The following LIPE variants were observed in gnomAD, a reference collection of about 807,000 sequenced individuals.
LIPE encodes lipase E, hormone sensitive type, also known as hormone-sensitive lipase.
Under a neutral mutation model 88.5 loss-of-function variants are expected in LIPE, and 66 were observed. The observed-to-expected ratio is 0.75, with a 90% CI of 0.61 to 0.91. The LOEUF is 0.91. Ranked by LOEUF, LIPE falls within the 40% of genes least tolerant of loss-of-function variation. The pLI is 0.00. For synonymous variants in LIPE, 570 were observed against 617.5 expected, an observed-to-expected ratio of 0.92 and a Z score of 1.14; for missense variants, 1,346 against 1,434.7, an observed-to-expected ratio of 0.94 and a Z score of 1.00.
In LIPE at chr19:42,407,657, G is replaced by A; in HGVS notation, c.1791C>T (p.Gly597=). The A allele has an allele frequency of 6.2e-7, 1 of 1,610,176 alleles. No individual in the cohort carries two copies. Among genetic ancestry groups the A allele is most frequent in the Non-Finnish European group, 8.5e-7 (1 of 1,178,126 alleles). ...VTISPPLAHT[G]PGPVLVRLIS... is the part of the protein sequence containing the mutation. ...TGAGCCTGACGAGGACGGGCCCAGGGCCTGTGTGGGCCAGTGGGGGTGAGA... is the reference window on the plus strand; with the variant it reads ...TGAGCCTGACGAGGACGGGCCCAGGACCTGTGTGGGCCAGTGGGGGTGAGA... The change falls in exon 5 of 10, where the codon GGC becomes GGT. Residue 597 remains glycine (G), a synonymous_variant. Coordinates refer to ENST00000244289, the MANE Select transcript of LIPE (RefSeq NM_005357.4). The surrounding 1 kb of genome is among the most constrained non-coding windows in gnomAD (Gnocchi z 5.8).
rs530744411 is a variant in LIPE at position 42,401,795 on chromosome 19, A to G, written c.*17T>C. Reference sequence around the variant, plus strand: ...GCATTCATGACGGAGGCCGGCGCAGATGGGAACAACAGGCTTTTAGTGTCG... The same window carrying G: ...GCATTCATGACGGAGGCCGGCGCAGGTGGGAACAACAGGCTTTTAGTGTCG... On this transcript the variant is annotated 3_prime_UTR_variant, in exon 10 of 10. Transcript: ENST00000244289. The G allele has an allele frequency of 4.9e-6, 7 of 1,441,890 alleles. No homozygotes were observed. The South Asian group carries it at 8.4e-5, about 17-fold the overall frequency. 89.3% of individuals were successfully genotyped at this position (1,441,890 alleles called of 1,614,324 possible).
chr19:42,402,520 C>A, intron 9 of LIPE, 87 bp downstream of exon 9: 1 of 1,245,426 alleles, frequency 8.0e-7, no homozygotes, highest in Non-Finnish European at 1.1e-6. Flanking sequence ...GCTCTTTTTC[C>A]CAGGTGTACC....
chr19:42,407,937 C>T lies in LIPE; in HGVS notation c.1656+39G>A. 4 of 1,599,656 alleles carry T rather than the reference C, an allele frequency of 2.5e-6. No homozygotes were observed. Among genetic ancestry groups the T allele is most frequent in the Non-Finnish European group, 3.4e-6 (4 of 1,174,622 alleles). On this transcript the variant is annotated intron_variant, in intron 4 of 9. Transcript: ENST00000244289. The surrounding 1 kb of genome is among the most constrained non-coding windows in gnomAD (Gnocchi z 5.8). ...AGACCTACTGTGGCCTCAGATGAGT[C>T]TCTGGGCCTCAGTGTCCCCATCTGC... is the stretch of plus-strand genomic sequence containing the variant.
At chr19:42,417,069 C>T (rs1338601910) in intron 1 of LIPE, among the ~76,000 whole-genome samples, 2 of 152,024 alleles carry the variant, frequency 1.3e-5, no homozygotes, top group African/African-American at 4.8e-5. Flanking sequence ...GACAGGCGCC[C>T]GCCACCACAC....
At chr19:42,409,400 C>CAAAAAAAAA (rs760628566) in intron 2 of LIPE, among the ~76,000 whole-genome samples, 92 of 72,832 alleles carry the variant, frequency 1.3e-3, no homozygotes, top group African/African-American at 2.4e-3. Flanking sequence ...AAACAAAATA[C>CAAAAAAAAA]AAAAAAAAAA....
At chr19:42,423,379 G>A in intron 1 of LIPE, 1 of 1,277,386 alleles carries the variant, frequency 7.8e-7, no homozygotes, top group South Asian at 1.2e-5. Context: ...TAGGATGTAC[G>A]AGGTTCCTTC....
chr19:42,401,714 G>GCCC lies in LIPE; in HGVS notation c.*97_*98insGGG. ...TTTCGGGCCCCCGCCCCGCCCCCTTGCCACCCCCGACTTAAGTAAGGCACA... is the reference window on the plus strand; with the variant it reads ...TTTCGGGCCCCCGCCCCGCCCCCTTGCCCCCACCCCCGACTTAAGTAAGGCACA... On this transcript the variant is annotated 3_prime_UTR_variant, in exon 10 of 10. Coordinates refer to ENST00000244289, the MANE Select transcript of LIPE (RefSeq NM_005357.4). 1 of 143,856 alleles carries GCCC rather than the reference G, an allele frequency of 7.0e-6. No homozygotes were observed. The allele number at this position is 143,856 out of a possible 1,614,324, so 8.9% of individuals were successfully genotyped here. A position where few individuals can be genotyped will look rare whatever the true frequency, so the allele number is the denominator to read the frequency against.
chr19:42,403,040 G>A lies in LIPE; in HGVS notation c.2543-9C>T, dbSNP rs765119791. Reference sequence around the variant, plus strand: ...ACTGCGGCGCATCGGCTCTGAGAGAGGGAGAGCAGATAGGCCTGGCTCCGT... The same window carrying A: ...ACTGCGGCGCATCGGCTCTGAGAGAAGGAGAGCAGATAGGCCTGGCTCCGT... On this transcript the variant is annotated splice_polypyrimidine_tract_variant and intron_variant, in intron 8 of 9. Transcript: ENST00000244289. 1.3e-6 allele frequency: 2 copies of A among 1,537,028 alleles called. No individual in the cohort carries two copies. Among genetic ancestry groups the A allele is most frequent in the African/African-American group, 1.4e-5 (1 of 72,976 alleles).
Position 42,406,102 on chromosome 19 carries a change from C to G in LIPE, c.2365+59G>C. 6.9e-7 allele frequency: 1 copy of G among 1,455,584 alleles called. No individual in the cohort carries two copies. The highest frequency in any genetic ancestry group is 9.5e-7 in the Non-Finnish European group (1 of 1,056,238). 90.2% of individuals were successfully genotyped at this position (1,455,584 alleles called of 1,614,324 possible). A position where few individuals can be genotyped will look rare whatever the true frequency, so the allele number is the denominator to read the frequency against. On this transcript the variant is annotated intron_variant, in intron 7 of 9. Transcript: ENST00000244289. This position sits in a 1 kb window ranked among gnomAD's most constrained non-coding sequence, Gnocchi z 5.7. ...ACAGGAGTCCTGGTCCCCAGCCCGT[C>G]CCTGCAGGAGTCAGACATCCATGCA...
Position 42,407,618 on chromosome 19 carries a change from C to T in LIPE, c.1830G>A (p.Leu610=), listed in dbSNP as rs138942820. The change falls in exon 5 of 10, where the codon CTG becomes CTA. Residue 610 remains leucine (L), a synonymous_variant. Coordinates refer to ENST00000244289, the MANE Select transcript of LIPE (RefSeq NM_005357.4). The surrounding 1 kb of genome is among the most constrained non-coding windows in gnomAD (Gnocchi z 5.8). The stretch of plus-strand genomic sequence containing the variant: ...GCTGGAACCCTACCTGTCCTTCACG[C>T]AGGTCATAGGAGATGAGCCTGACGA... ...PVLVRLISYD[L]REGQDSEELS... is the part of the protein sequence containing the mutation. The T allele has an allele frequency of 1.1e-5, 18 of 1,608,460 alleles. No individual in the cohort carries two copies. In the African/African-American group the frequency reaches 2.3e-4, roughly 20 times the overall value.
At position 42,410,047 on chromosome 19, in the gene LIPE, TAG is replaced by T. The variant is rs1434835944; in HGVS notation, c.1419+258_1419+259del. Among the ~76,000 whole-genome samples the T allele has an allele frequency of 6.6e-6, 1 of 152,042 alleles. No homozygotes were observed. The highest frequency in any genetic ancestry group is 1.5e-5 in the Non-Finnish European group (1 of 68,006). ...AATACATCTCTTGCATGTAGGACAA[TAG>T]AGAGTAGTGGATATCCTGGTGAAAA... On this transcript the variant is annotated intron_variant, in intron 2 of 9. Transcript: ENST00000244289. This position sits in a 1 kb window ranked among gnomAD's most constrained non-coding sequence, Gnocchi z 6.1.
At chr19:42,424,889 A>C (rs2040679954) in intron 1 of LIPE, 2 of 345,308 alleles carry the variant, frequency 5.8e-6, no homozygotes, top group African/African-American at 4.3e-5. Flanking sequence ...CCCCGGGAAG[A>C]GGCGGAGAAG....
At chr19:42,421,158 C>G (rs941806486) in intron 1 of LIPE, among the ~76,000 whole-genome samples, 1 of 152,184 alleles carries the variant, frequency 6.6e-6, no homozygotes, top group Non-Finnish European at 1.5e-5. Context: ...CTTGGCCTCC[C>G]AAAGTGCCAG....
chr19:42,414,875 G>C lies in LIPE; in HGVS notation c.884-4033C>G, dbSNP rs2040456791. Among the ~76,000 whole-genome samples the C allele has an allele frequency of 6.6e-6, 1 of 152,176 alleles. No individual in the cohort carries two copies. Among genetic ancestry groups the C allele is most frequent in the African/African-American group, 2.4e-5 (1 of 41,430 alleles). ...TACCGATTAATGCTGTGTGTGTTCT[G>C]ACTGCTCCACTGACCAGCCATTTCC... On this transcript the variant is annotated intron_variant, in intron 1 of 9. Coordinates refer to ENST00000244289, the MANE Select transcript of LIPE (RefSeq NM_005357.4). This position sits in a 1 kb window ranked among gnomAD's most constrained non-coding sequence, Gnocchi z 4.6.
In LIPE at chr19:42,401,820, G is replaced by A; in HGVS notation, c.3223C>T (p.Arg1075Ter). Reference sequence around the variant, plus strand: ...ATGGGAACAACAGGCTTTTAGTGTCGCCCCCCGCAGCCCCCGTCTACCCCC... The same window carrying A: ...ATGGGAACAACAGGCTTTTAGTGTCACCCCCCGCAGCCCCCGTCTACCCCC... ...AAGVDGGCGG[R>*]H The change falls in exon 10 of 10, where the codon CGA (arginine) becomes TGA (stop). Residue 1075 changes from arginine (R) to a stop codon, truncating the protein, a stop_gained. Transcript: ENST00000244289. LOFTEE classifies it high-confidence loss of function. 2 of 1,479,340 alleles carry A rather than the reference G, an allele frequency of 1.4e-6. No individual in the cohort carries two copies. The allele number at this position is 1,479,340 out of a possible 1,614,324, so 91.6% of individuals were successfully genotyped here.
chr19:42,419,672 T>A, intron 1 of LIPE, among the ~76,000 whole-genome samples: 1 of 62,188 alleles, frequency 1.6e-5, no homozygotes, highest in African/African-American at 6.6e-5. Context: ...TGAGCAGGGG[T>A]AAGGAGGGCG....
At chr19:42,426,195 A>G in intron 1 of LIPE, 72 bp downstream of exon 1, 1 of 1,475,256 alleles carries the variant, frequency 6.8e-7, no homozygotes, top group Non-Finnish European at 9.1e-7. Context: ...ATACACCGTA[A>G]GTTTTTAGTA....
chr19:42,402,439 GTCC>G (rs2040011095), intron 9 of LIPE, among the ~76,000 whole-genome samples, 165 bp downstream of exon 9: 1 of 151,986 alleles, frequency 6.6e-6, no homozygotes, highest in African/African-American at 2.4e-5. Flanking sequence ...CCTGACTCTT[GTCC>G]TCCTCCCGTT....
rs756437778 is a variant in LIPE, at chr19:42,427,034, G to A, written c.116C>T (p.Ser39Leu). The A allele has an allele frequency of 1.6e-5, 26 of 1,613,882 alleles. No individual in the cohort carries two copies. The highest frequency in any genetic ancestry group is 4.5e-5 in the East Asian group (2 of 44,882). Residue 39 changes from serine to leucine, a missense_variant, in exon 1 of 10, where the codon TCG becomes TTG. Physicochemically the swap from Ser to Leu is moderately radical, Grantham distance 145. Transcript: ENST00000244289. Reference sequence around the variant, plus strand: ...GGTATTGGATCCCTGCAGAGTCTTCGATTCTGGCTGGGCTATGGGTGTCTT... The same window carrying A: ...GGTATTGGATCCCTGCAGAGTCTTCAATTCTGGCTGGGCTATGGGTGTCTT... ...PEKTPIAQPE[S>L]KTLQGSNTQQ...
Sources: gnomAD v4.1 joint callset for allele counts (sites outside exome capture counted in the v4.1 genomes callset) on GRCh38, gnomAD v4.1.1 for gene constraint, Gnocchi (gnomAD v3.1) non-coding constraint, MANE v1.5 for transcripts, NCBI Gene and HGNC (gene_info 2026-07-23, HGNC 2026-07-21) for gene names.